Variants in CENPL observed in about 807,000 individuals in gnomAD.
CENPL encodes the protein centromere protein L.
In CENPL, 20 loss-of-function variants were observed where a neutral mutation model predicts 35.2. That is an observed-to-expected ratio of 0.57 (90% CI 0.40 to 0.83). The LOEUF (loss-of-function observed/expected upper bound fraction) is 0.83. Among genes scored for constraint, CENPL ranks in the 40% least tolerant of loss-of-function variants. The probability of loss-of-function intolerance (pLI) is 0.00; values close to 1 mark genes in which losing one functional copy is unlikely to be tolerated. For synonymous variants in CENPL, 140 were observed against 140.6 expected (o/e 1.00, Z 0.03); for missense variants, 363 against 395.8 (o/e 0.92, Z 0.70).
At chr1:173,822,083 G>A (rs184913918) in intron 2 of CENPL, 2 of 152,082 alleles carry the variant, frequency 1.3e-5, no homozygotes, top group African/African-American at 4.8e-5. Context: ...AATCCAATTC[G>A]TCTCATTCCT....
intron 4 of CENPL, among the ~76,000 whole-genome samples, chr1:173,805,794 T>A (rs1308294376): frequency 6.6e-6 from 1 of 152,124 alleles, no homozygotes; most frequent in Non-Finnish European, 1.5e-5. Flanking sequence ...AGATTATTAA[T>A]GATTTCATCA....
chr1:173,803,396 T>A lies in CENPL; in HGVS notation c.530A>T (p.Asp177Val). The A allele has an allele frequency of 6.2e-7, 1 of 1,614,084 alleles. No homozygotes were observed. The highest frequency in any genetic ancestry group is 8.5e-7 in the Non-Finnish European group (1 of 1,179,956). Residue 177 changes from aspartate to valine, a missense_variant, in exon 5 of 6, where the codon GAT becomes GTT. Asp to Val is a radical substitution (Grantham distance 152). Coordinates refer to ENST00000682279, the MANE Select transcript of CENPL (RefSeq NM_001387287.1). ...GDSLLETVSE[D>V]FTCLPLFLAN... ...AAGGAATAAGGGCAGACAGGTGAAA[T>A]CTTCTGAAACAGTCTCCAGAAGACT... is the stretch of plus-strand genomic sequence containing the variant.
intron 2 of CENPL, among the ~76,000 whole-genome samples, chr1:173,818,380 C>T (rs1651621509): frequency 6.6e-6 from 1 of 152,048 alleles, no homozygotes; most frequent in Non-Finnish European, 1.5e-5. Context: ...CTTTATTTTC[C>T]TAATTCTCCT....
intron 3 of CENPL, among the ~76,000 whole-genome samples, chr1:173,809,138 C>T (rs1202087687): frequency 6.6e-6 from 1 of 152,084 alleles, no homozygotes; most frequent in African/African-American, 2.4e-5. Context: ...GTCAGGAGTT[C>T]GAGACCAGCC....
chr1:173,819,528 T>C (rs1322709162), intron 2 of CENPL, among the ~76,000 whole-genome samples: 1 of 150,798 alleles, frequency 6.6e-6, no homozygotes, highest in Non-Finnish European at 1.5e-5. Flanking sequence ...GGTGGAGGCT[T>C]CAGTGAGCCA....
At chr1:173,803,571 A>C in intron 4 of CENPL, 66 bp from the exon 5 acceptor site, 5 of 1,414,702 alleles carry the variant, frequency 3.5e-6, no homozygotes, top group African/African-American at 1.4e-5. Context: ...CCATCTTCTC[A>C]AAATTAGTTC....
At chr1:173,801,054 T>G (rs1649703174) in intron 5 of CENPL, among the ~76,000 whole-genome samples, 1 of 152,214 alleles carries the variant, frequency 6.6e-6, no homozygotes, top group Admixed American at 6.5e-5. Context: ...ACTGTTGCAC[T>G]GTGACCTCCA....
chr1:173,817,838 G>A (rs1269678814), intron 2 of CENPL, among the ~76,000 whole-genome samples: 1 of 152,082 alleles, frequency 6.6e-6, no homozygotes, highest in African/African-American at 2.4e-5. Context: ...AAAAGAATAA[G>A]TTCATATCCT....
rs965998415 is a variant in CENPL, at chr1:173,816,090, C to T, written c.-7-4784G>A. ...AGTGAACTCCCACTCACAATTGCTACAAAGAGAATAAAATACCTAGCAATC... is the reference window on the plus strand; with the variant it reads ...AGTGAACTCCCACTCACAATTGCTATAAAGAGAATAAAATACCTAGCAATC... On this transcript the variant is annotated intron_variant, in intron 2 of 5. Coordinates refer to ENST00000682279, the MANE Select transcript of CENPL (RefSeq NM_001387287.1). 2.6e-5 allele frequency among the ~76,000 whole-genome samples: 4 copies of T among 152,104 alleles called. No homozygotes were observed. In the South Asian group the frequency reaches 6.2e-4, roughly 24 times the overall value.
In CENPL at chr1:173,800,574, A is replaced by G. The variant is rs547234587; in HGVS notation, c.964-55T>C. ...AAATTAGAATAGTATTAATTATAAC[A>G]AAGCAGATTGATATTTGAATAATCA... On this transcript the variant is annotated intron_variant, in intron 5 of 5. Coordinates refer to ENST00000682279, the MANE Select transcript of CENPL (RefSeq NM_001387287.1). 4.6e-4 allele frequency: 325 copies of G among 706,344 alleles called. 2 individuals carry two copies. In the East Asian group the frequency reaches 8.0e-3, roughly 17 times the overall value. 43.8% of individuals were successfully genotyped at this position (706,344 alleles called of 1,614,324 possible). A position where few individuals can be genotyped will look rare whatever the true frequency, so the allele number is the denominator to read the frequency against.
In CENPL at chr1:173,803,472, T is replaced by C. The variant is rs899167469; in HGVS notation, c.454A>G (p.Arg152Gly). ...VSKSQLPSEN[R>G]EGKVLWTGWF... ...CCAGTCCACAGCACTTTACCTTCTC[T>C]ATTCTCAGATGGCAATTGAGATTTT... Residue 152 changes from arginine (R) to glycine (G), a missense_variant, in exon 5 of 6, where the codon AGA becomes GGA. By Grantham distance (125) the Arg-to-Gly change is moderately radical. Coordinates refer to ENST00000682279, the MANE Select transcript of CENPL (RefSeq NM_001387287.1). The C allele has an allele frequency of 6.3e-7, 1 of 1,584,884 alleles. No homozygotes were observed. The highest frequency in any genetic ancestry group is 8.6e-7 in the Non-Finnish European group (1 of 1,162,632).
At chr1:173,818,566 T>C (rs577666514) in intron 2 of CENPL, among the ~76,000 whole-genome samples, 1 of 152,316 alleles carries the variant, frequency 6.6e-6, no homozygotes, top group East Asian at 1.9e-4. Context: ...ATGGCATACA[T>C]TTTTATCTGT....
rs112601819 is a variant in CENPL at position 173,806,770 on chromosome 1, G to A, written c.420+497C>T. 2.4e-3 allele frequency among the ~76,000 whole-genome samples: 366 copies of A among 152,022 alleles called. 1 individual carries two copies. The highest frequency in any genetic ancestry group is 8.3e-3 in the African/African-American group (345 of 41,466). On this transcript the variant is annotated intron_variant, in intron 4 of 5. Transcript: ENST00000682279. ...ACTCCTAGGCTCAGGTGATCTGCCC[G>A]CCGTAGCCTCCCAAAGTGCTGGGAT... is the stretch of plus-strand genomic sequence containing the variant.
At chr1:173,807,559 G>C (rs903040270) in intron 3 of CENPL, 41 bp from the exon 4 acceptor site, 1 of 1,400,610 alleles carries the variant, frequency 7.1e-7, no homozygotes, top group Non-Finnish European at 9.6e-7. Context: ...TAAGAATTAG[G>C]AAACAATAAG....
chr1:173,824,171 G>A (rs765833416), intron 1 of CENPL, 41 bp downstream of exon 1: 1 of 152,236 alleles, frequency 6.6e-6, no homozygotes, highest in South Asian at 2.1e-4. Flanking sequence ...GACGCGGGGC[G>A]GGCCCTGCGA....
At chr1:173,802,848 A>G (rs1649874866) in intron 5 of CENPL, 115 bp downstream of exon 5, 3 of 695,892 alleles carry the variant, frequency 4.3e-6, no homozygotes, top group East Asian at 2.7e-5. Context: ...AAAGCTCTCT[A>G]TTGTCTTGAA....
chr1:173,818,477 CA>C (rs1286425787), intron 2 of CENPL, among the ~76,000 whole-genome samples: 14 of 152,270 alleles, frequency 9.2e-5, no homozygotes, highest in Middle Eastern at 3.4e-3. Context: ...TTTCCCATCT[CA>C]CCTCCTTTAA....
chr1:173,815,665 T>C (rs1433415550), intron 2 of CENPL, among the ~76,000 whole-genome samples: 1 of 152,150 alleles, frequency 6.6e-6, no homozygotes, highest in East Asian at 1.9e-4. Flanking sequence ...CTCCATAAAC[T>C]AGATATTGAT....
At chr1:173,811,007 CTCATT>C in intron 3 of CENPL, 120 bp downstream of exon 3, 1 of 773,610 alleles carries the variant, frequency 1.3e-6, no homozygotes, top group Non-Finnish European at 2.1e-6. Context: ...TTGTTTCTTT[CTCATT>C]TATTTTATTA....
Sources: allele counts gnomAD v4.1 joint callset (sites outside exome capture counted in the v4.1 genomes callset), GRCh38; gene constraint gnomAD v4.1.1; transcripts MANE v1.5; gene names NCBI Gene and HGNC (gene_info 2026-07-23, HGNC 2026-07-21).